Variants in PCDHA6 observed in about 807,000 individuals in gnomAD.
PCDHA6 encodes the protein protocadherin alpha 6.
PCDHA6 carries 55 observed loss-of-function variants against 60.3 expected under a neutral mutation model. The ratio of observed to expected loss-of-function variants is 0.91; its 90% CI spans 0.73 to 1.14. The LOEUF (loss-of-function observed/expected upper bound fraction) is 1.14, where lower values mean the gene tolerates loss of function less well. Ranked by LOEUF, PCDHA6 falls within the 50% of genes most tolerant of loss-of-function variation. PCDHA6 has a pLI of 0.00. For synonymous variants in PCDHA6, 652 were observed against 557.9 expected (o/e 1.17, Z -2.38); for missense variants, 1,327 against 1,256.5 (o/e 1.06, Z -0.85).
chr5:140,992,235 G>A (rs1272038759), intron 3 of PCDHA6, among the ~76,000 whole-genome samples: 7 of 152,154 alleles, frequency 4.6e-5, no homozygotes, highest in African/African-American at 1.7e-4. Flanking sequence ...GGAAGAGTAA[G>A]GAAGGAAGTA....
intron 1 of PCDHA6, among the ~76,000 whole-genome samples, chr5:140,974,062 G>T (rs1014435483): frequency 2.0e-5 from 3 of 152,222 alleles, no homozygotes; most frequent in Non-Finnish European, 4.4e-5. Context: ...ATTTGGAGCA[G>T]TATAATCTAT....
intron 3 of PCDHA6, among the ~76,000 whole-genome samples, chr5:140,985,013 C>T (rs1022576947): frequency 8.6e-5 from 13 of 152,046 alleles, no homozygotes; most frequent in Non-Finnish European, 1.3e-4. Context: ...TATCGGCTCA[C>T]AGCAACCTCT....
At chr5:140,921,992 C>T (rs963694302) in intron 1 of PCDHA6, among the ~76,000 whole-genome samples, 1 of 151,726 alleles carries the variant, frequency 6.6e-6, no homozygotes, top group East Asian at 1.9e-4. Context: ...AAAAAGAGTT[C>T]AATGAAATGA....
At chr5:140,958,578 A>G (rs2095431763) in intron 1 of PCDHA6, among the ~76,000 whole-genome samples, 1 of 152,206 alleles carries the variant, frequency 6.6e-6, no homozygotes, top group Non-Finnish European at 1.5e-5. Context: ...TGAGATTTTA[A>G]ATGAGCTTAT....
chr5:140,870,190 C>T (rs1554163883), intron 1 of PCDHA6: 15 of 1,614,174 alleles, frequency 9.3e-6, no homozygotes, highest in Non-Finnish European at 1.1e-5. Flanking sequence ...AGAGGACGCT[C>T]AGCCCAGCAC....
rs114567887 is a variant in PCDHA6, at chr5:140,974,104, T to G, written c.2395-4845T>G. The stretch of plus-strand genomic sequence containing the variant: ...GACTTCAAAAATCAAAGGTTAAAAG[T>G]ATTCTTTTGCAGTGTTTTAAATCTG... On this transcript the variant is annotated intron_variant, in intron 1 of 3. Coordinates refer to ENST00000529310, the MANE Select transcript of PCDHA6 (RefSeq NM_018909.4). Among the ~76,000 whole-genome samples, 1,327 of 152,364 alleles carry G rather than the reference T, an allele frequency of 8.7e-3. 24 individuals carry two copies. Among genetic ancestry groups the G allele is most frequent in the African/African-American group, 0.03 (1,240 of 41,584 alleles).
At chr5:140,883,758 G>T in intron 1 of PCDHA6, 1 of 1,612,920 alleles carries the variant, frequency 6.2e-7, no homozygotes, top group Non-Finnish European at 8.5e-7. Flanking sequence ...CTGGTGGAGC[G>T]GCGGGTGGGC....
intron 1 of PCDHA6, chr5:140,875,337 A>C (rs2055422229): frequency 1.6e-5 from 23 of 1,440,366 alleles, no homozygotes; most frequent in Non-Finnish European, 1.7e-5. Context: ...AATAGGATCG[A>C]CTCCATAATG....
Position 140,830,392 on chromosome 5 carries a change from G to A in PCDHA6, c.2301G>A (p.Met767Ile), listed in dbSNP as rs2150186002. 2 of 1,614,160 alleles carry A rather than the reference G, an allele frequency of 1.2e-6. No individual in the cohort carries two copies. Among genetic ancestry groups the A allele is most frequent in the South Asian group, 1.1e-5 (1 of 91,090 alleles). The change falls in exon 1 of 4, where the codon ATG (methionine) becomes ATA (isoleucine). Residue 767 changes from methionine to isoleucine, a missense_variant. Met to Ile is a conservative substitution (Grantham distance 10). Coordinates refer to ENST00000529310, the MANE Select transcript of PCDHA6 (RefSeq NM_018909.4). ...GCTCCGGGGAGGGCCCACCCAAGAT[G>A]GATCTCATGGCCTTTAGCCCCAGCC... is the stretch of plus-strand genomic sequence containing the variant. Reference protein sequence around the residue: ...RVCSGEGPPKMDLMAFSPSLS... With the variant: ...RVCSGEGPPKIDLMAFSPSLS...
intron 1 of PCDHA6, among the ~76,000 whole-genome samples, chr5:140,939,849 G>A (rs1554212970): frequency 6.6e-6 from 1 of 152,134 alleles, no homozygotes; most frequent in Non-Finnish European, 1.5e-5. Context: ...GTTGTGTTCT[G>A]TATATGTCCA....
chr5:140,876,792 A>G (rs782210017), intron 1 of PCDHA6: 98 of 1,613,998 alleles, frequency 6.1e-5, no homozygotes, highest in Non-Finnish European at 7.5e-5. Flanking sequence ...CCACGGCTAG[A>G]GTGTCCGTGG....
intron 1 of PCDHA6, among the ~76,000 whole-genome samples, chr5:140,901,039 A>G (rs1317910770): frequency 4.6e-5 from 7 of 152,086 alleles, no homozygotes; most frequent in Non-Finnish European, 8.8e-5. Flanking sequence ...TCTTTTGCCC[A>G]TTTTAAAATT....
chr5:140,967,490 C>G (rs1554229615), intron 1 of PCDHA6: 2 of 1,613,210 alleles, frequency 1.2e-6, no homozygotes, highest in East Asian at 2.2e-5. Context: ...GGGTACGGCA[C>G]AGATCTCTGT....
chr5:140,849,643 G>A, intron 1 of PCDHA6: 1 of 1,598,612 alleles, frequency 6.3e-7, no homozygotes, highest in Non-Finnish European at 8.6e-7. Flanking sequence ...GATGCCAACG[G>A]GCAGGTTACC....
In PCDHA6 at chr5:140,959,634, A is replaced by G. The variant is rs78629455; in HGVS notation, c.2395-19315A>G. ...TGCTTGTGATAGAAAAAAAGAGAGA[A>G]AAAACACAGAAGCAAAATTGAAGAA... On this transcript the variant is annotated intron_variant, in intron 1 of 3. Transcript: ENST00000529310. Among the ~76,000 whole-genome samples, 1,434 of 152,320 alleles carry G rather than the reference A, an allele frequency of 9.4e-3. 14 individuals carry two copies. The highest frequency in any genetic ancestry group is 0.021 in the Admixed American group (316 of 15,292).
chr5:140,828,632 G>C lies in PCDHA6; in HGVS notation c.541G>C (p.Asp181His). 6.2e-7 allele frequency: 1 copy of C among 1,614,214 alleles called. No individual in the cohort carries two copies. The highest frequency in any genetic ancestry group is 8.5e-7 in the Non-Finnish European group (1 of 1,180,044). Residue 181 changes from aspartate to histidine, a missense_variant, in exon 1 of 4, where the codon GAT (aspartate) becomes CAT (histidine). Physicochemically the swap from Asp to His is moderately conservative, Grantham distance 81. Coordinates refer to ENST00000529310, the MANE Select transcript of PCDHA6 (RefSeq NM_018909.4). ...KLSSSEYFGLDVKINSDDNKQ... is the reference protein window; with the variant it reads ...KLSSSEYFGLHVKINSDDNKQ... ...CAGTTCTAGCGAATACTTCGGGCTA[G>C]ATGTGAAAATAAACAGTGATGACAA... is the stretch of plus-strand genomic sequence containing the variant.
At chr5:140,847,009 T>G (rs1780816378) in intron 1 of PCDHA6, among the ~76,000 whole-genome samples, 1 of 149,542 alleles carries the variant, frequency 6.7e-6, no homozygotes, top group Non-Finnish European at 1.5e-5. Flanking sequence ...TTGAGAATGA[T>G]AGACATTTCT....
In PCDHA6 at chr5:140,856,749, C is replaced by T. The variant is rs146132566; in HGVS notation, c.2394+26264C>T. The T allele has an allele frequency of 1.3e-4, 214 of 1,595,860 alleles. 19 individuals carry two copies. In the Middle Eastern group the frequency reaches 4.3e-3, roughly 32 times the overall value. On this transcript the variant is annotated intron_variant, in intron 1 of 3. Transcript: ENST00000529310. ...TCTCTGCTGATCCTGGTGTTAGATGCCAATGATAACGCCCCTATCTTTGAC... is the reference window on the plus strand; with the variant it reads ...TCTCTGCTGATCCTGGTGTTAGATGTCAATGATAACGCCCCTATCTTTGAC...
intron 1 of PCDHA6, among the ~76,000 whole-genome samples, chr5:140,886,020 A>G (rs1402901328): frequency 2.0e-5 from 3 of 152,182 alleles, no homozygotes; most frequent in African/African-American, 7.2e-5. Flanking sequence ...GATGCTATGT[A>G]TTCTTCACTA....
Sources: allele counts gnomAD v4.1 joint callset (sites outside exome capture counted in the v4.1 genomes callset), GRCh38; gene constraint gnomAD v4.1.1; transcripts MANE v1.5; gene names NCBI Gene and HGNC (gene_info 2026-07-23, HGNC 2026-07-21).